Variants in IMMP2L observed in about 807,000 individuals in gnomAD.
IMMP2L encodes mitochondrial inner membrane protease subunit 2.
A neutral mutation model predicts 19.3 loss-of-function variants in IMMP2L; 18 were observed. The ratio of observed to expected loss-of-function variants is 0.93; its 90% CI spans 0.64 to 1.38. The LOEUF (loss-of-function observed/expected upper bound fraction) is 1.38. Ranked by LOEUF, IMMP2L falls within the 40% of genes most tolerant of loss-of-function variation. The pLI is 0.00. For missense variants in IMMP2L, 233 were observed against 218.2 expected (o/e 1.07, Z -0.43); for synonymous variants, 76 against 73.0 (o/e 1.04, Z -0.21).
chr7:111,397,286 T>C (rs750684692), intron 3 of IMMP2L, among the ~76,000 whole-genome samples: 2 of 152,168 alleles, frequency 1.3e-5, no homozygotes, highest in Non-Finnish European at 2.9e-5. Context: ...GCACTTTCAA[T>C]ATTCATAGTC....
chr7:111,103,185 A>G (rs1274168611), intron 3 of IMMP2L, among the ~76,000 whole-genome samples: 1 of 151,616 alleles, frequency 6.6e-6, no homozygotes, highest in Non-Finnish European at 1.5e-5. Context: ...AGAAATAACA[A>G]CTGCATTACT....
chr7:111,539,944 A>G (rs1848369724), intron 1 of IMMP2L, among the ~76,000 whole-genome samples: 1 of 152,118 alleles, frequency 6.6e-6, no homozygotes, highest in Non-Finnish European at 1.5e-5. Context: ...TCTCTGATGC[A>G]GCTATTTCTA....
At chr7:111,074,203 G>A (rs1795192879) in intron 3 of IMMP2L, among the ~76,000 whole-genome samples, 2 of 152,094 alleles carry the variant, frequency 1.3e-5, no homozygotes, top group African/African-American at 2.4e-5. Flanking sequence ...AAACTAATAC[G>A]TTAAATTGAA....
At chr7:111,450,293 C>G (rs965432015) in intron 3 of IMMP2L, among the ~76,000 whole-genome samples, 1 of 151,478 alleles carries the variant, frequency 6.6e-6, no homozygotes, top group African/African-American at 2.4e-5. Flanking sequence ...AGGCATCACA[C>G]TACATGACTT....
At chr7:111,134,061 G>A (rs1179791360) in intron 3 of IMMP2L, among the ~76,000 whole-genome samples, 1 of 152,028 alleles carries the variant, frequency 6.6e-6, no homozygotes, top group East Asian at 1.9e-4. Flanking sequence ...CAAATGTAAT[G>A]TAAAATTGTG....
At chr7:111,499,941 G>A (rs937300266) in intron 2 of IMMP2L, among the ~76,000 whole-genome samples, 13 of 152,160 alleles carry the variant, frequency 8.5e-5, no homozygotes, top group African/African-American at 1.2e-4. Context: ...TCACTAGGGA[G>A]TGCCAGACAG....
chr7:111,379,899 G>C (rs2131207903), intron 3 of IMMP2L, among the ~76,000 whole-genome samples: 1 of 151,886 alleles, frequency 6.6e-6, no homozygotes, highest in East Asian at 1.9e-4. Flanking sequence ...ATCCACGTAA[G>C]TTTAGGTAAA....
At chr7:111,190,539 C>T (rs779302013) in intron 3 of IMMP2L, among the ~76,000 whole-genome samples, 14 of 151,956 alleles carry the variant, frequency 9.2e-5, no homozygotes, top group African/African-American at 1.5e-4. Context: ...ACAATAGGAA[C>T]GTAAGGTAGA....
intron 5 of IMMP2L, among the ~76,000 whole-genome samples, chr7:110,825,724 C>T (rs1358423807): frequency 2.0e-5 from 3 of 152,034 alleles, no homozygotes; most frequent in Non-Finnish European, 4.4e-5. Context: ...GACCTAAAAC[C>T]ATAAAAACCC....
rs150771372 is a variant in IMMP2L at position 110,760,725 on chromosome 7, G to A, written c.409-97004C>T. Among the ~76,000 whole-genome samples, 846 of 152,096 alleles carry A rather than the reference G, an allele frequency of 5.6e-3. 5 individuals are homozygous for A. The highest frequency in any genetic ancestry group is 0.019 in the African/African-American group (806 of 41,484). On this transcript the variant is annotated intron_variant, in intron 5 of 5. Coordinates refer to ENST00000405709, the MANE Select transcript of IMMP2L (RefSeq NM_032549.4). This position sits in a 1 kb window ranked among gnomAD's most constrained non-coding sequence, Gnocchi z 4.2. Reference sequence around the variant, plus strand: ...TATATTTATTTCAAAATCTCTCATAGCACTTCAATACCTGGAATATCTCAA... The same window carrying A: ...TATATTTATTTCAAAATCTCTCATAACACTTCAATACCTGGAATATCTCAA...
intron 3 of IMMP2L, among the ~76,000 whole-genome samples, chr7:111,222,016 C>G (rs1037278111): frequency 5.3e-5 from 8 of 151,872 alleles, no homozygotes; most frequent in Non-Finnish European, 1.2e-4. Context: ...AAATCCCTAC[C>G]CAAGACTAAT....
chr7:110,874,772 C>T (rs1192867690), intron 5 of IMMP2L, among the ~76,000 whole-genome samples: 1 of 151,940 alleles, frequency 6.6e-6, no homozygotes. Flanking sequence ...AACAGAATGC[C>T]ACAGATTGGG....
At chr7:110,889,392 C>T (rs942121343) in intron 4 of IMMP2L, among the ~76,000 whole-genome samples, 2 of 152,132 alleles carry the variant, frequency 1.3e-5, no homozygotes, top group African/African-American at 4.8e-5. Context: ...GACAGATCAT[C>T]AGGTATAAGA....
chr7:110,856,368 G>A (rs2131560729), intron 5 of IMMP2L, among the ~76,000 whole-genome samples: 1 of 152,130 alleles, frequency 6.6e-6, no homozygotes, highest in South Asian at 2.1e-4. Context: ...GCTAAGGGCA[G>A]AATAATGCCA....
intron 5 of IMMP2L, among the ~76,000 whole-genome samples, chr7:110,839,612 G>T (rs1255082739): frequency 6.6e-6 from 1 of 151,972 alleles, no homozygotes; most frequent in African/African-American, 2.4e-5. Context: ...GCACATAAAT[G>T]CTTAAACGTG....
intron 3 of IMMP2L, among the ~76,000 whole-genome samples, chr7:111,102,996 G>A (rs1055164022): frequency 5.3e-5 from 8 of 151,414 alleles, no homozygotes; most frequent in Non-Finnish European, 1.2e-4. Flanking sequence ...TTTAAAAATT[G>A]CTGACAATAA....
At chr7:111,278,619 C>T (rs1819365474) in intron 3 of IMMP2L, among the ~76,000 whole-genome samples, 1 of 152,144 alleles carries the variant, frequency 6.6e-6, no homozygotes, top group Admixed American at 6.6e-5. Flanking sequence ...ATGATTTACA[C>T]ATATTTGTAT....
At chr7:111,325,408 A>G (rs1825201022) in intron 3 of IMMP2L, among the ~76,000 whole-genome samples, 1 of 151,686 alleles carries the variant, frequency 6.6e-6, no homozygotes, top group South Asian at 2.1e-4. Context: ...AGCGCGCAAA[A>G]TAAATATAAT....
At chr7:111,346,623 T>C (rs982653352) in intron 3 of IMMP2L, among the ~76,000 whole-genome samples, 2 of 152,072 alleles carry the variant, frequency 1.3e-5, no homozygotes, top group Admixed American at 1.3e-4. Context: ...GAAGTATACA[T>C]GGACAGATAA....
Sources: gnomAD v4.1 joint callset for allele counts (sites outside exome capture counted in the v4.1 genomes callset) on GRCh38, gnomAD v4.1.1 for gene constraint, Gnocchi (gnomAD v3.1) non-coding constraint, MANE v1.5 for transcripts, NCBI Gene and HGNC (gene_info 2026-07-23, HGNC 2026-07-21) for gene names.